The following SULF1 variants were observed in gnomAD, a reference collection of about 807,000 sequenced individuals.
SULF1 encodes the protein extracellular sulfatase Sulf-1.
SULF1 carries 46 observed loss-of-function variants against 110.5 expected under a neutral mutation model. The observed-to-expected ratio is 0.42, with a 90% CI of 0.33 to 0.53. The LOEUF is 0.53. Ranked by LOEUF, SULF1 falls within the 20% of genes least tolerant of loss-of-function variation. SULF1 has a pLI of 0.12. For missense variants in SULF1, 941 were observed against 1,094.2 expected, an observed-to-expected ratio of 0.86 and a Z score of 1.98; for synonymous variants, 371 against 387.1, an observed-to-expected ratio of 0.96 and a Z score of 0.49.
chr8:69,515,931 G>C (rs56666081), intron 3 of SULF1, among the ~76,000 whole-genome samples: 32 of 152,146 alleles, frequency 2.1e-4, no homozygotes, highest in South Asian at 1.2e-3. Context: ...ATCTCCATTC[G>C]AGACCACCTC....
chr8:69,584,964 C>T (rs184565113), intron 6 of SULF1, among the ~76,000 whole-genome samples: 96 of 152,306 alleles, frequency 6.3e-4, no homozygotes, highest in African/African-American at 2.2e-3. Flanking sequence ...TTCTAGAATT[C>T]GTTTCTATTA....
chr8:69,556,633 G>A (rs1815134979), intron 3 of SULF1, among the ~76,000 whole-genome samples: 1 of 152,076 alleles, frequency 6.6e-6, no homozygotes, highest in Admixed American at 6.5e-5. Context: ...AAAACCAAAG[G>A]CAAATTTAAT....
upstream of SULF1, among the ~76,000 whole-genome samples, chr8:69,490,148 G>A (rs543862205): frequency 1.1e-4 from 16 of 148,762 alleles, no homozygotes; most frequent in Admixed American, 1.0e-3. Context: ...TGTTGCCCAG[G>A]CTGGAATGCA....
rs1808098114 is a variant in SULF1 at position 69,604,786 on chromosome 8, T to C, written c.1248-17T>C. ...AGATCACTTCTCATGTACGAAGCTT[T>C]TCCCTTTTTGTCGAAGCAAATTTCT... On this transcript the variant is annotated splice_polypyrimidine_tract_variant and intron_variant, in intron 12 of 22. Transcript: ENST00000402687. The C allele has an allele frequency of 6.2e-7, 1 of 1,613,550 alleles. No homozygotes were observed. The highest frequency in any genetic ancestry group is 8.5e-7 in the Non-Finnish European group (1 of 1,179,906).
intron 22 of SULF1, among the ~76,000 whole-genome samples, chr8:69,648,833 AT>A (rs1391975867): frequency 1.3e-5 from 2 of 152,266 alleles, no homozygotes; most frequent in Non-Finnish European, 2.9e-5. Context: ...TCTGTGGAAT[AT>A]AGCATGATGT....
intron 5 of SULF1, among the ~76,000 whole-genome samples, chr8:69,565,262 G>A (rs1455917653): frequency 6.6e-6 from 1 of 151,600 alleles, no homozygotes; most frequent in Non-Finnish European, 1.5e-5. Flanking sequence ...ATTTTCAGGC[G>A]ACAGGCCAAA....
chr8:69,547,495 A>G (rs1369691374), intron 3 of SULF1, among the ~76,000 whole-genome samples: 1 of 152,216 alleles, frequency 6.6e-6, no homozygotes, highest in Non-Finnish European at 1.5e-5. Context: ...GCACTAACCA[A>G]GTTGGAAACG....
At chr8:69,591,649 T>C (rs1051016710) in intron 8 of SULF1, among the ~76,000 whole-genome samples, 1 of 152,106 alleles carries the variant, frequency 6.6e-6, no homozygotes, top group African/African-American at 2.4e-5. Flanking sequence ...TATTTATCAG[T>C]GCCACATGTG....
At chr8:69,506,265 A>G (rs1811192337) in intron 3 of SULF1, among the ~76,000 whole-genome samples, 1 of 150,666 alleles carries the variant, frequency 6.6e-6, no homozygotes, top group Non-Finnish European at 1.5e-5. Context: ...CACACAATCA[A>G]TACCTCCCTT....
intron 2 of SULF1, among the ~76,000 whole-genome samples, chr8:69,500,026 A>G (rs916293368): frequency 9.2e-5 from 14 of 152,318 alleles, no homozygotes; most frequent in African/African-American, 3.4e-4. Context: ...TGCTGGGATT[A>G]TAGGCATGAG....
intron 2 of SULF1, among the ~76,000 whole-genome samples, chr8:69,500,965 T>A (rs1319556817): frequency 6.6e-6 from 1 of 152,052 alleles, no homozygotes; most frequent in African/African-American, 2.4e-5. Flanking sequence ...GGGCTTAACC[T>A]GACTCGCCAA....
At chr8:69,582,161 C>T (rs552112859) in intron 6 of SULF1, among the ~76,000 whole-genome samples, 2 of 151,816 alleles carry the variant, frequency 1.3e-5, no homozygotes, top group East Asian at 3.9e-4. Context: ...ACAAAAAAAC[C>T]CCAACAATGA....
chr8:69,518,596 T>C (rs1326915931), intron 3 of SULF1, among the ~76,000 whole-genome samples: 1 of 152,206 alleles, frequency 6.6e-6, no homozygotes, highest in East Asian at 1.9e-4. Flanking sequence ...TAAGTTGTGC[T>C]AGGTCAGATC....
rs1407717660 is a variant in SULF1 at position 69,601,810 on chromosome 8, A to G, written c.1042A>G (p.Ser348Gly). The G allele has an allele frequency of 2.5e-6, 4 of 1,611,694 alleles. No homozygotes were observed. The highest frequency in any genetic ancestry group is 3.4e-6 in the Non-Finnish European group (4 of 1,178,994). Residue 348 changes from serine (S) to glycine (G), a missense_variant, in exon 10 of 23, where the codon AGT (serine) becomes GGT (glycine). Coordinates refer to ENST00000402687, the MANE Select transcript of SULF1 (RefSeq NM_001128205.2). ...IRVPFFIRGP[S>G]VEPGSIVPQI... ...TGTGCCTTTTTTTATTCGTGGTCCA[A>G]GTGTAGAACCAGGATCAATGTACGT...
intron 19 of SULF1, among the ~76,000 whole-genome samples, chr8:69,630,971 C>T (rs1810484968): frequency 6.6e-6 from 1 of 151,008 alleles, no homozygotes; most frequent in Admixed American, 6.6e-5. Flanking sequence ...CTCCCCCCTG[C>T]CCCCACCCTG....
chr8:69,519,567 C>T (rs1812154754), intron 3 of SULF1, among the ~76,000 whole-genome samples: 1 of 151,996 alleles, frequency 6.6e-6, no homozygotes, highest in South Asian at 2.1e-4. Flanking sequence ...TGTCCAGAAG[C>T]AAATATCATA....
At chr8:69,648,209 G>A (rs1399879771) in intron 22 of SULF1, among the ~76,000 whole-genome samples, 4 of 151,552 alleles carry the variant, frequency 2.6e-5, no homozygotes, top group African/African-American at 4.8e-5. Flanking sequence ...ATGTATTAAC[G>A]CAGATAGTCT....
rs1809810731 is a variant in SULF1, at chr8:69,624,046, G to A, written c.1699G>A (p.Val567Met). The A allele has an allele frequency of 6.2e-7, 1 of 1,614,054 alleles. No homozygotes were observed. The highest frequency in any genetic ancestry group is 8.5e-7 in the Non-Finnish European group (1 of 1,180,040). The change falls in exon 15 of 23, where the codon GTG becomes ATG. Residue 567 changes from valine (V) to methionine (M), a missense_variant. Physicochemically the swap from Val to Met is conservative, Grantham distance 21 (BLOSUM62 1). Transcript: ENST00000402687. ...INLEEEEELQ[V>M]LQPRNIAKRH... The stretch of plus-strand genomic sequence containing the variant: ...TCTGGAAGAAGAAGAAGAATTGCAA[G>A]TGTTGCAACCAAGAAACATTGCTAA...
chr8:69,600,888 T>C (rs1026673220), intron 9 of SULF1, 135 bp downstream of exon 9: 1 of 1,038,882 alleles, frequency 9.6e-7, no homozygotes, highest in Non-Finnish European at 1.4e-6. Flanking sequence ...AGAGAGAGAG[T>C]ATGTGTTTAG....
Sources: allele counts gnomAD v4.1 joint callset (sites outside exome capture counted in the v4.1 genomes callset), GRCh38; gene constraint gnomAD v4.1.1; transcripts MANE v1.5; gene names NCBI Gene and HGNC (gene_info 2026-07-23, HGNC 2026-07-21).